Variants in LY86 observed in about 807,000 individuals in gnomAD.
LY86 encodes lymphocyte antigen 86.
A neutral mutation model predicts 17.3 loss-of-function variants in LY86; 20 were observed. The observed-to-expected ratio is 1.15, with a 90% CI of 0.81 to 1.68. The LOEUF is 1.68. Among genes scored for constraint, LY86 ranks in the 40% most tolerant of loss-of-function variants. The pLI is 0.00. For missense variants in LY86, 200 were observed against 191.9 expected, an observed-to-expected ratio of 1.04 and a Z score of -0.25; for synonymous variants, 74 against 70.6, an observed-to-expected ratio of 1.05 and a Z score of -0.24.
In LY86 at chr6:6,604,600, G is replaced by A. The variant is rs113606377; in HGVS notation, c.136+15730G>A. 9.4e-3 allele frequency among the ~76,000 whole-genome samples: 1,435 copies of A among 152,020 alleles called. 20 individuals carry two copies. Among genetic ancestry groups the A allele is most frequent in the African/African-American group, 0.033 (1,364 of 41,444 alleles). The stretch of plus-strand genomic sequence containing the variant: ...AGCTATAGAAGAAAATAGGGGAAAA[G>A]GCAATTTCTGAAGAAAAATGCTGAA... On this transcript the variant is annotated intron_variant, in intron 1 of 4. Coordinates refer to ENST00000230568, the MANE Select transcript of LY86 (RefSeq NM_004271.4).
At chr6:6,600,515 G>C (rs980406652) in intron 1 of LY86, among the ~76,000 whole-genome samples, 3 of 146,730 alleles carry the variant, frequency 2.0e-5, no homozygotes, top group South Asian at 2.2e-4. Context: ...GCTTGAACCC[G>C]GGAGGCAGAG....
intron 1 of LY86, among the ~76,000 whole-genome samples, chr6:6,612,351 T>G (rs73718603): frequency 1.1e-4 from 16 of 152,216 alleles, no homozygotes; most frequent in African/African-American, 3.9e-4. Context: ...GCATTACACT[T>G]CTTAAGGTGA....
chr6:6,652,036 A>G (rs569473747), intron 4 of LY86, among the ~76,000 whole-genome samples: 2 of 141,218 alleles, frequency 1.4e-5, no homozygotes, highest in Admixed American at 7.5e-5. Context: ...AGCCTGTGCA[A>G]CAGAGGAAGA....
chr6:6,613,224 C>T (rs897106925), intron 1 of LY86, among the ~76,000 whole-genome samples: 19 of 144,950 alleles, frequency 1.3e-4, no homozygotes, highest in Admixed American at 4.7e-4. Context: ...CCCAGTGGAT[C>T]CGGCACTAGG....
intron 1 of LY86, among the ~76,000 whole-genome samples, chr6:6,609,481 A>G (rs1484519977): frequency 2.0e-5 from 3 of 152,154 alleles, no homozygotes; most frequent in African/African-American, 7.2e-5. Flanking sequence ...TGGATCTCTT[A>G]TTCTCTATGC....
chr6:6,635,664 C>CTGAAG (rs1413239950), intron 3 of LY86, among the ~76,000 whole-genome samples: 1 of 152,142 alleles, frequency 6.6e-6, no homozygotes, highest in African/African-American at 2.4e-5. Flanking sequence ...GCTTTCCATC[C>CTGAAG]CCGCACTTCA....
intron 1 of LY86, among the ~76,000 whole-genome samples, chr6:6,596,665 AAC>A (rs1019958681): frequency 3.3e-5 from 5 of 152,214 alleles, no homozygotes; most frequent in African/African-American, 9.6e-5. Flanking sequence ...TTGATAAAGA[AAC>A]ACAAGAATAT....
In LY86 at chr6:6,595,198, G is replaced by A. The variant is rs183473056; in HGVS notation, c.136+6328G>A. Among the ~76,000 whole-genome samples, 166 of 150,826 alleles carry A rather than the reference G, an allele frequency of 1.1e-3. 1 individual carries two copies. Among genetic ancestry groups the A allele is most frequent in the African/African-American group, 3.8e-3 (157 of 40,954 alleles). On this transcript the variant is annotated intron_variant, in intron 1 of 4. Coordinates refer to ENST00000230568, the MANE Select transcript of LY86 (RefSeq NM_004271.4). The stretch of plus-strand genomic sequence containing the variant: ...AGGAGGAAAAAGAGGAAAAGGAAGA[G>A]GGGGAGAAAGAAGAGGAAGGGGAAA...
At chr6:6,607,318 GT>G (rs1761203267) in intron 1 of LY86, among the ~76,000 whole-genome samples, 1 of 152,154 alleles carries the variant, frequency 6.6e-6, no homozygotes, top group Non-Finnish European at 1.5e-5. Flanking sequence ...ACTGTCATGT[GT>G]TTTTTGCCAC....
chr6:6,589,006 G>A, intron 1 of LY86, 136 bp downstream of exon 1: 1 of 1,171,016 alleles, frequency 8.5e-7, no homozygotes, highest in South Asian at 1.6e-5. Context: ...ACCTGCAGCA[G>A]GTCTGGGAGG....
Position 6,604,289 on chromosome 6 carries a change from T to G in LY86, c.136+15419T>G, listed in dbSNP as rs543354558. Among the ~76,000 whole-genome samples the G allele has an allele frequency of 3.3e-5, 5 of 152,222 alleles. No individual in the cohort carries two copies. The East Asian group carries it at 9.6e-4, about 29-fold the overall frequency. On this transcript the variant is annotated intron_variant, in intron 1 of 4. Coordinates refer to ENST00000230568, the MANE Select transcript of LY86 (RefSeq NM_004271.4). ...AACTGTAGAATTCTACATCCAAAGA[T>G]ATTAGATTTTAGAAATAAAAGATAC...
chr6:6,649,386 T>A (rs1047581168), intron 3 of LY86, among the ~76,000 whole-genome samples: 8 of 152,354 alleles, frequency 5.3e-5, no homozygotes, highest in African/African-American at 1.9e-4. Context: ...AGACTTCTTT[T>A]TTTCATCCAA....
intron 2 of LY86, among the ~76,000 whole-genome samples, chr6:6,625,693 A>G (rs1761772633): frequency 6.6e-6 from 1 of 152,210 alleles, no homozygotes; most frequent in Non-Finnish European, 1.5e-5. Context: ...AAGAACTCTC[A>G]CGCATCTTTG....
intron 1 of LY86, among the ~76,000 whole-genome samples, chr6:6,602,998 T>C (rs1170614224): frequency 6.6e-6 from 1 of 152,192 alleles, no homozygotes; most frequent in East Asian, 1.9e-4. Flanking sequence ...CTCACAGTTC[T>C]AGAGGCCAGG....
chr6:6,643,132 G>A (rs753715034), intron 3 of LY86, among the ~76,000 whole-genome samples: 5 of 152,190 alleles, frequency 3.3e-5, no homozygotes, highest in African/African-American at 1.2e-4. Context: ...AAGTGGGATT[G>A]CTGAATCATA....
intron 3 of LY86, among the ~76,000 whole-genome samples, chr6:6,646,892 G>C (rs969939056): frequency 6.6e-6 from 1 of 152,128 alleles, no homozygotes; most frequent in Non-Finnish European, 1.5e-5. Context: ...GCTAACTGGA[G>C]TATCTTTAAA....
At chr6:6,653,002 G>C (rs954063204) in intron 4 of LY86, among the ~76,000 whole-genome samples, 17 of 152,194 alleles carry the variant, frequency 1.1e-4, no homozygotes, top group African/African-American at 4.1e-4. Context: ...ATATAAATTT[G>C]AGCCGGTCTT....
At chr6:6,634,398 G>A (rs1761934695) in intron 3 of LY86, among the ~76,000 whole-genome samples, 1 of 152,218 alleles carries the variant, frequency 6.6e-6, no homozygotes, top group South Asian at 2.1e-4. Flanking sequence ...ATTATAATGA[G>A]ATGAATTTCA....
At chr6:6,605,162 G>C (rs187760552) in intron 1 of LY86, among the ~76,000 whole-genome samples, 68 of 152,246 alleles carry the variant, frequency 4.5e-4, no homozygotes, top group East Asian at 3.3e-3. Context: ...CTTTATCAAT[G>C]AATGTAATGA....
Sources: allele counts gnomAD v4.1 joint callset (sites outside exome capture counted in the v4.1 genomes callset), GRCh38; gene constraint gnomAD v4.1.1; transcripts MANE v1.5; gene names NCBI Gene and HGNC (gene_info 2026-07-23, HGNC 2026-07-21).